PXK: variants seen among roughly 807,000 people sequenced by gnomAD.
PXK encodes the protein PX domain-containing protein kinase-like protein.
In PXK, 35 loss-of-function variants were observed where a neutral mutation model predicts 84.7. That is an observed-to-expected ratio of 0.41 (90% confidence interval 0.32 to 0.55). PXK has a LOEUF of 0.55. Ranked by LOEUF, PXK falls within the 20% of genes least tolerant of loss-of-function variation. The pLI is 0.21. For synonymous variants in PXK, 253 were observed against 260.8 expected (o/e 0.97, Z 0.29); for missense variants, 634 against 699.7 (o/e 0.91, Z 1.06).
Position 58,390,677 on chromosome 3 carries a change from T to C in PXK, c.466+18T>C. The C allele has an allele frequency of 2.5e-6, 4 of 1,604,060 alleles. No individual in the cohort carries two copies. Among genetic ancestry groups the C allele is most frequent in the Non-Finnish European group, 3.4e-6 (4 of 1,173,092 alleles). On this transcript the variant is annotated intron_variant, in intron 5 of 17. Transcript: ENST00000356151. This position sits in a 1 kb window ranked among gnomAD's most constrained non-coding sequence, Gnocchi z 4.2. ...AGACATAGGTGAGACATTGGCACGC[T>C]CATTCTGTTAAAAAGACAGATCACA...
Position 58,411,241 on chromosome 3 carries a change from T to C in PXK, c.1465+1082T>C, listed in dbSNP as rs1448406203. Among the ~76,000 whole-genome samples, 3 of 152,128 alleles carry C rather than the reference T, an allele frequency of 2.0e-5. No individual in the cohort carries two copies. The highest frequency in any genetic ancestry group is 7.2e-5 in the African/African-American group (3 of 41,410). The stretch of plus-strand genomic sequence containing the variant: ...CCCAGAGGGCTGCATGAGCCACAGC[T>C]GGAGAATGCAAGTGGCATGACCAGA... On this transcript the variant is annotated intron_variant, in intron 16 of 17. Coordinates refer to ENST00000356151, the MANE Select transcript of PXK (RefSeq NM_017771.5). This position sits in a 1 kb window ranked among gnomAD's most constrained non-coding sequence, Gnocchi z 4.2.
rs1488340288 is a variant in PXK, at chr3:58,379,699, AAGAAT to A, written c.202-2810_202-2806del. Among the ~76,000 whole-genome samples the A allele has an allele frequency of 2.6e-5, 4 of 152,314 alleles. No individual in the cohort carries two copies. Among genetic ancestry groups the A allele is most frequent in the South Asian group, 2.1e-4 (1 of 4,832 alleles). ...ATTCAAGGTGCTATTAAGGAAGAAA[AAGAAT>A]AGAAAAGAGTACTTACAAATAAAAA... is the stretch of plus-strand genomic sequence containing the variant. On this transcript the variant is annotated intron_variant, in intron 3 of 17. Coordinates refer to ENST00000356151, the MANE Select transcript of PXK (RefSeq NM_017771.5). The surrounding 1 kb of genome is among the most constrained non-coding windows in gnomAD (Gnocchi z 5.1).
chr3:58,405,360 C>T (rs753917695), intron 13 of PXK, among the ~76,000 whole-genome samples: 10 of 151,562 alleles, frequency 6.6e-5, no homozygotes, highest in Non-Finnish European at 1.3e-4. Context: ...CAGGACCAGA[C>T]TCCTCATGAT....
At chr3:58,408,193 T>G (rs1180073612) in intron 13 of PXK, among the ~76,000 whole-genome samples, 1 of 152,214 alleles carries the variant, frequency 6.6e-6, no homozygotes, top group Non-Finnish European at 1.5e-5. Flanking sequence ...CCACAAGCAT[T>G]TATTTCTGGG....
At chr3:58,417,045 T>G (rs1254689701) in intron 17 of PXK, among the ~76,000 whole-genome samples, 15 of 152,174 alleles carry the variant, frequency 9.9e-5, no homozygotes. Flanking sequence ...GCTGGGACTA[T>G]AGGCGTGCAC....
chr3:58,396,210 C>T (rs149272085), intron 9 of PXK, among the ~76,000 whole-genome samples: 22 of 152,222 alleles, frequency 1.4e-4, no homozygotes, highest in African/African-American at 4.8e-4. Context: ...AATTTAATAT[C>T]CCAATGTTAT....
chr3:58,425,462 T>TA lies in PXK; in HGVS notation c.*503dup, dbSNP rs1302801538. ...TTAACACTATAGCCCAAAGCATAGT[T>TA]ACTTTGCTAAATCAGAAAGCAACTG... is the stretch of plus-strand genomic sequence containing the variant. On this transcript the variant is annotated 3_prime_UTR_variant, in exon 18 of 18. Coordinates refer to ENST00000356151, the MANE Select transcript of PXK (RefSeq NM_017771.5). The TA allele has an allele frequency of 2.5e-4, 39 of 155,642 alleles. No individual in the cohort carries two copies. The highest frequency in any genetic ancestry group is 9.4e-4 in the African/African-American group (39 of 41,472). 9.6% of individuals were successfully genotyped at this position (155,642 alleles called of 1,614,324 possible). A position where few individuals can be genotyped will look rare whatever the true frequency, so the allele number is the denominator to read the frequency against.
At chr3:58,360,247 CG>C (rs1442056609) in intron 1 of PXK, among the ~76,000 whole-genome samples, 1 of 152,134 alleles carries the variant, frequency 6.6e-6, no homozygotes, top group Non-Finnish European at 1.5e-5. Context: ...TATTGTTGAA[CG>C]TTGAATGTAC....
chr3:58,334,161 C>T (rs1326818490), intron 1 of PXK, among the ~76,000 whole-genome samples: 1 of 152,204 alleles, frequency 6.6e-6, no homozygotes. Context: ...CTGATGACTT[C>T]AAAGAGACCT....
intron 1 of PXK, among the ~76,000 whole-genome samples, chr3:58,352,636 T>G (rs959545875): frequency 6.6e-6 from 1 of 152,252 alleles, no homozygotes; most frequent in Admixed American, 6.5e-5. Flanking sequence ...TAGCAAATTA[T>G]GTAATTTGCG....
At chr3:58,361,133 C>T (rs1354350106) in intron 1 of PXK, among the ~76,000 whole-genome samples, 1 of 151,636 alleles carries the variant, frequency 6.6e-6, no homozygotes, top group African/African-American at 2.4e-5. Context: ...CCCGTCTCTA[C>T]TAAAAATACA....
chr3:58,378,492 CTTTTTTTTT>C (rs1159247642), intron 3 of PXK, among the ~76,000 whole-genome samples: 4 of 24,318 alleles, frequency 1.6e-4, no homozygotes, highest in African/African-American at 5.6e-4. Context: ...CATTTTTCTT[CTTTTTTTTT>C]TTTTTTTTTT....
chr3:58,378,512 T>TTGTGTGTGTGTGTGTGTG (rs71091375), intron 3 of PXK, among the ~76,000 whole-genome samples: 9 of 29,028 alleles, frequency 3.1e-4, no homozygotes, highest in Non-Finnish European at 4.3e-4. Flanking sequence ...TTTTTTTTTT[T>TTGTGTGTGTGTGTGTGTG]TGTGTGTGTG....
chr3:58,391,277 C>G, intron 6 of PXK, 57 bp downstream of exon 6: 1 of 1,402,180 alleles, frequency 7.1e-7, no homozygotes, highest in South Asian at 1.2e-5. Context: ...TTAATGAAAG[C>G]AGATTTGACA....
chr3:58,390,768 C>A lies in PXK; in HGVS notation c.466+109C>A, dbSNP rs2106855658. On this transcript the variant is annotated intron_variant, in intron 5 of 17. Transcript: ENST00000356151. This position sits in a 1 kb window ranked among gnomAD's most constrained non-coding sequence, Gnocchi z 4.2. ...GAACATGCTTAAATGCAGGTGACTT[C>A]TTTTTCTTTTTGCATATCAACTGCT... The A allele has an allele frequency of 9.7e-7, 1 of 1,033,134 alleles. No homozygotes were observed. Among genetic ancestry groups the A allele is most frequent in the East Asian group, 2.6e-5 (1 of 38,696 alleles). 64.0% of individuals were successfully genotyped at this position (1,033,134 alleles called of 1,614,324 possible). A position where few individuals can be genotyped will look rare whatever the true frequency, so the allele number is the denominator to read the frequency against.
rs781470461 is a variant in PXK at position 58,403,905 on chromosome 3, T to G, written c.1225T>G (p.Phe409Val). ...ACTAACCACTTCTGAAAAACCACAG[T>G]TTAAGGTAAAGACAATTATATCGTT... Reference protein sequence around the residue: ...VLLTTSEKPQFKIPTKLKEAL... With the variant: ...VLLTTSEKPQVKIPTKLKEAL... The change falls in exon 13 of 18, where the codon TTT becomes GTT. Residue 409 changes from phenylalanine to valine, a missense_variant. Physicochemically the swap from Phe to Val is conservative, Grantham distance 50. Transcript: ENST00000356151. 4.1e-5 allele frequency: 63 copies of G among 1,531,598 alleles called. 2 individuals carry two copies. Among genetic ancestry groups the G allele is most frequent in the Non-Finnish European group, 4.4e-6 (5 of 1,126,612 alleles). The allele number at this position is 1,531,598 out of a possible 1,614,324, so 94.9% of individuals were successfully genotyped here.
Position 58,333,327 on chromosome 3 carries a change from G to A in PXK, c.102+237G>A, listed in dbSNP as rs2097529397. On this transcript the variant is annotated intron_variant, in intron 1 of 17. Coordinates refer to ENST00000356151, the MANE Select transcript of PXK (RefSeq NM_017771.5). The surrounding 1 kb of genome is among the most constrained non-coding windows in gnomAD (Gnocchi z 5.4). ...GGGGACCGCAGCTCCCGGCGCCGCGGGGTGGAAGGAGCTCGGCGGCGACCA... is the reference window on the plus strand; with the variant it reads ...GGGGACCGCAGCTCCCGGCGCCGCGAGGTGGAAGGAGCTCGGCGGCGACCA... 1 of 303,872 alleles carries A rather than the reference G, an allele frequency of 3.3e-6. No individual in the cohort carries two copies. The highest frequency in any genetic ancestry group is 2.2e-5 in the African/African-American group (1 of 45,350). The allele number at this position is 303,872 out of a possible 1,614,324, so 18.8% of individuals were successfully genotyped here.
intron 3 of PXK, among the ~76,000 whole-genome samples, chr3:58,380,854 T>C (rs961287938): frequency 6.6e-6 from 1 of 152,044 alleles, no homozygotes; most frequent in Non-Finnish European, 1.5e-5. Flanking sequence ...CAACTTAAAA[T>C]TCCACATCAA....
intron 1 of PXK, among the ~76,000 whole-genome samples, chr3:58,340,624 C>G (rs111265393): frequency 0.046 from 6,975 of 151,898 alleles, 563 homozygotes; most frequent in African/African-American, 0.16. Flanking sequence ...TACTCGGGAG[C>G]CTGAGGCAGG....
Sources: allele counts gnomAD v4.1 joint callset (sites outside exome capture counted in the v4.1 genomes callset), GRCh38; gene constraint gnomAD v4.1.1; non-coding constraint Gnocchi (gnomAD v3.1); transcripts MANE v1.5; gene names NCBI Gene and HGNC (gene_info 2026-07-23, HGNC 2026-07-21).